Variants in DPP10 observed in about 807,000 individuals in gnomAD.
DPP10 encodes the protein inactive dipeptidyl peptidase 10.
Under a neutral mutation model 120.9 loss-of-function variants are expected in DPP10, and 33 were observed. The ratio of observed to expected loss-of-function variants is 0.27; its 90% CI spans 0.21 to 0.37. DPP10 has a LOEUF of 0.37. Ranked by LOEUF, DPP10 falls within the 10% of genes least tolerant of loss-of-function variation. The probability of loss-of-function intolerance (pLI) is 1.00; values close to 1 mark genes in which losing one functional copy is unlikely to be tolerated. For missense variants in DPP10, 816 were observed against 942.8 expected, an observed-to-expected ratio of 0.87 and a Z score of 1.76; for synonymous variants, 337 against 326.1, an observed-to-expected ratio of 1.03 and a Z score of -0.36.
chr2:114,822,295 A>C (rs1339330061), intron 1 of DPP10, among the ~76,000 whole-genome samples: 1 of 151,598 alleles, frequency 6.6e-6, no homozygotes, highest in Non-Finnish European at 1.5e-5. Flanking sequence ...TGAAGCCATG[A>C]CCCAATCTGT....
At chr2:115,069,324 C>CT (rs1462602873) in intron 1 of DPP10, among the ~76,000 whole-genome samples, 2 of 151,858 alleles carry the variant, frequency 1.3e-5, no homozygotes, top group Non-Finnish European at 2.9e-5. Context: ...TCCCTATTTT[C>CT]TTTTTTGGGT....
At chr2:115,600,355 G>A (rs1338204959) in intron 5 of DPP10, among the ~76,000 whole-genome samples, 1 of 152,068 alleles carries the variant, frequency 6.6e-6, no homozygotes, top group Non-Finnish European at 1.5e-5. Flanking sequence ...GAAAACCTAA[G>A]ATGATAATGT....
intron 1 of DPP10, among the ~76,000 whole-genome samples, chr2:115,063,738 C>A (rs1706606805): frequency 6.6e-6 from 1 of 152,140 alleles, no homozygotes; most frequent in Admixed American, 6.5e-5. Flanking sequence ...ATCTGGACCT[C>A]TTCCTTACAC....
intron 2 of DPP10, among the ~76,000 whole-genome samples, chr2:115,326,761 TAAA>T (rs2062391324): frequency 6.6e-6 from 1 of 152,036 alleles, no homozygotes; most frequent in African/African-American, 2.4e-5. Flanking sequence ...AATAAGGACA[TAAA>T]GAAGGAAAAT....
chr2:114,658,903 CAT>C lies in DPP10; in HGVS notation c.60+216066_60+216067del, dbSNP rs545756807. On this transcript the variant is annotated intron_variant, in intron 1 of 25. Transcript: ENST00000410059. ...TGAATTGTAATCCCTGTAACCCCCA[CAT>C]GTCGAGGGTGAAACCTGGTGGGAGG... is the stretch of plus-strand genomic sequence containing the variant. 5.3e-5 allele frequency among the ~76,000 whole-genome samples: 8 copies of C among 152,330 alleles called. No individual in the cohort carries two copies. The South Asian group carries it at 6.2e-4, about 12-fold the overall frequency.
intron 2 of DPP10, among the ~76,000 whole-genome samples, chr2:115,313,410 C>G (rs544846861): frequency 4.6e-5 from 7 of 152,128 alleles, no homozygotes; most frequent in African/African-American, 1.7e-4. Context: ...ATATTAATAA[C>G]AGCTACCAAT....
At chr2:115,061,736 G>A (rs1285002644) in intron 1 of DPP10, among the ~76,000 whole-genome samples, 1 of 152,078 alleles carries the variant, frequency 6.6e-6, no homozygotes, top group African/African-American at 2.4e-5. Context: ...GATCATTTGA[G>A]GCAGGTAATC....
intron 1 of DPP10, among the ~76,000 whole-genome samples, chr2:115,152,678 C>T (rs148444851): frequency 8.5e-5 from 13 of 152,272 alleles, no homozygotes; most frequent in African/African-American, 2.9e-4. Context: ...AATTTTGACT[C>T]CACTTCTAGT....
intron 1 of DPP10, among the ~76,000 whole-genome samples, chr2:114,865,752 T>TA (rs941897202): frequency 2.0e-5 from 3 of 152,156 alleles, no homozygotes; most frequent in African/African-American, 7.2e-5. Context: ...CCATTAGTAA[T>TA]ACTTAACCAG....
chr2:115,158,208 A>C (rs2104940739), intron 1 of DPP10, among the ~76,000 whole-genome samples: 1 of 152,306 alleles, frequency 6.6e-6, no homozygotes, highest in South Asian at 2.1e-4. Context: ...GTATAGAACA[A>C]CCTAATTTTG....
chr2:115,052,678 G>T (rs11887645), intron 1 of DPP10, among the ~76,000 whole-genome samples: 8 of 152,174 alleles, frequency 5.3e-5, no homozygotes, highest in African/African-American at 1.4e-4. Flanking sequence ...CAGGCCGGGC[G>T]TGGTGGCTCA....
In DPP10 at chr2:115,232,057, C is replaced by T. The variant is rs114572409; in HGVS notation, c.61-77182C>T. Among the ~76,000 whole-genome samples the T allele has an allele frequency of 4.8e-3, 729 of 152,274 alleles. 5 individuals are homozygous for T. The highest frequency in any genetic ancestry group is 0.016 in the African/African-American group (663 of 41,550). On this transcript the variant is annotated intron_variant, in intron 1 of 25. Transcript: ENST00000410059. ...TCTCATTCGTCTCGAATCAAGAGGA[C>T]GTACTTTGGCTGGCACAAGCCTTCT... is the stretch of plus-strand genomic sequence containing the variant.
chr2:114,523,912 A>G (rs1685277139), intron 1 of DPP10, among the ~76,000 whole-genome samples: 1 of 152,228 alleles, frequency 6.6e-6, no homozygotes, highest in Non-Finnish European at 1.5e-5. Context: ...AGTGACAAAC[A>G]TAGACAGTGT....
chr2:114,973,784 G>C (rs1326338348), intron 1 of DPP10, among the ~76,000 whole-genome samples: 5 of 151,738 alleles, frequency 3.3e-5, no homozygotes, highest in Non-Finnish European at 7.4e-5. Context: ...TGCTGCTGAA[G>C]ACTTTCCAGT....
chr2:115,115,224 G>C (rs2104703953), intron 1 of DPP10, among the ~76,000 whole-genome samples: 1 of 152,168 alleles, frequency 6.6e-6, no homozygotes, highest in Admixed American at 6.5e-5. Flanking sequence ...ATACACAGTG[G>C]AGCATTATTT....
rs1393526227 is a variant in DPP10, at chr2:115,428,760, T to A, written c.272-70750T>A. 2.0e-5 allele frequency among the ~76,000 whole-genome samples: 3 copies of A among 152,206 alleles called. No homozygotes were observed. The East Asian group carries it at 5.8e-4, about 29-fold the overall frequency. On this transcript the variant is annotated intron_variant, in intron 3 of 25. Transcript: ENST00000410059. The stretch of plus-strand genomic sequence containing the variant: ...TTCCTCAGCAAGGCCATTTTTAGAC[T>A]TTCTGCAGAAAGGATACACTCGCCA...
At chr2:114,603,115 G>A (rs900773383) in intron 1 of DPP10, among the ~76,000 whole-genome samples, 2 of 151,996 alleles carry the variant, frequency 1.3e-5, no homozygotes, top group Non-Finnish European at 2.9e-5. Context: ...AGCCAGAAAA[G>A]TCCCCATTGT....
At chr2:114,540,288 G>T (rs1265751427) in intron 1 of DPP10, among the ~76,000 whole-genome samples, 7 of 152,152 alleles carry the variant, frequency 4.6e-5, no homozygotes, top group African/African-American at 1.7e-4. Flanking sequence ...CAATGGCATG[G>T]AATATGTATA....
At chr2:114,958,888 G>T (rs1170980568) in intron 1 of DPP10, among the ~76,000 whole-genome samples, 1 of 151,894 alleles carries the variant, frequency 6.6e-6, no homozygotes, top group Admixed American at 6.6e-5. Context: ...ACATTTTCCA[G>T]GGTTAAAAAA....
Sources: allele counts gnomAD v4.1 joint callset (sites outside exome capture counted in the v4.1 genomes callset), GRCh38; gene constraint gnomAD v4.1.1; transcripts MANE v1.5; gene names NCBI Gene and HGNC (gene_info 2026-07-23, HGNC 2026-07-21).